Variants in NTM observed in about 807,000 individuals in gnomAD.
NTM encodes the protein IgLON family member 2.
NTM carries 13 observed loss-of-function variants against 42.1 expected under a neutral mutation model. That is an observed-to-expected ratio of 0.31 (90% CI 0.20 to 0.49). The LOEUF (loss-of-function observed/expected upper bound fraction) is 0.49. Ranked by LOEUF, NTM falls within the 20% of genes least tolerant of loss-of-function variation. NTM has a pLI of 0.99. For synonymous variants in NTM, 187 were observed against 179.2 expected (o/e 1.04, Z -0.35); for missense variants, 373 against 452.8 (o/e 0.82, Z 1.60).
intron 2 of NTM, among the ~76,000 whole-genome samples, chr11:132,048,730 C>A (rs1282783841): frequency 6.6e-6 from 1 of 152,094 alleles, no homozygotes; most frequent in East Asian, 1.9e-4. Flanking sequence ...AGACAGACAC[C>A]CCCAACCAAA....
At chr11:132,298,232 G>A (rs956132150) in intron 4 of NTM, among the ~76,000 whole-genome samples, 4 of 152,212 alleles carry the variant, frequency 2.6e-5, no homozygotes, top group East Asian at 3.8e-4. Context: ...AGATACTGAG[G>A]CAATATGACA....
chr11:132,088,809 G>T (rs2060050124), intron 2 of NTM, among the ~76,000 whole-genome samples: 1 of 152,134 alleles, frequency 6.6e-6, no homozygotes, highest in South Asian at 2.1e-4. Flanking sequence ...TTCCCTATTT[G>T]CCTAGGCATT....
chr11:132,014,736 G>GTTTTTTTT lies in NTM; in HGVS notation c.167+103101_167+103108dup, dbSNP rs146527050. ...TACCCGCTTTTTAAGAGAATTACTT[G>GTTTTTTTT]TTTTTTTTTTTTTTTTTTTTGCTGT... On this transcript the variant is annotated intron_variant, in intron 2 of 8. Coordinates refer to ENST00000683400, the MANE Select transcript of NTM (RefSeq NM_001352005.2). Among the ~76,000 whole-genome samples, 144 of 83,814 alleles carry GTTTTTTTT rather than the reference G, an allele frequency of 1.7e-3. 1 individual carries two copies. Among genetic ancestry groups the GTTTTTTTT allele is most frequent in the Middle Eastern group, 0.012 (1 of 82 alleles). The allele number at this position is 83,814 out of a possible 152,430, so 55.0% of individuals were successfully genotyped here. A position where few individuals can be genotyped will look rare whatever the true frequency, so the allele number is the denominator to read the frequency against.
intron 1 of NTM, among the ~76,000 whole-genome samples, chr11:131,684,122 G>A (rs1349400093): frequency 1.3e-5 from 2 of 152,146 alleles, no homozygotes; most frequent in African/African-American, 4.8e-5. Flanking sequence ...GTGGAATTGG[G>A]AGAACCCCCT....
intron 4 of NTM, among the ~76,000 whole-genome samples, chr11:132,299,369 A>G (rs565138579): frequency 6.6e-6 from 1 of 152,030 alleles, no homozygotes; most frequent in African/African-American, 2.4e-5. Flanking sequence ...TATAGTGAAC[A>G]TGGAAGTTGT....
At position 132,335,942 on chromosome 11, in the gene NTM, A is replaced by G. The variant is rs2095869176; in HGVS notation, c.*796A>G. On this transcript the variant is annotated 3_prime_UTR_variant, in exon 9 of 9. Coordinates refer to ENST00000683400, the MANE Select transcript of NTM (RefSeq NM_001352005.2). ...AGTATACTTCTTAACTAGGTTTACA[A>G]CTGGTGGACCACACACCAGGCACTA... 1 of 152,600 alleles carries G rather than the reference A, an allele frequency of 6.6e-6. No individual in the cohort carries two copies. Among genetic ancestry groups the G allele is most frequent in the South Asian group, 2.1e-4 (1 of 4,830 alleles). 9.5% of individuals were successfully genotyped at this position (152,600 alleles called of 1,614,324 possible).
intron 2 of NTM, among the ~76,000 whole-genome samples, chr11:131,949,017 A>C (rs1323314429): frequency 6.6e-6 from 1 of 152,164 alleles, no homozygotes; most frequent in Non-Finnish European, 1.5e-5. Flanking sequence ...GGGAGACACC[A>C]TTCTACGGTG....
At chr11:131,931,238 A>G (rs1051990719) in intron 2 of NTM, among the ~76,000 whole-genome samples, 2 of 152,008 alleles carry the variant, frequency 1.3e-5, no homozygotes, top group Non-Finnish European at 2.9e-5. Flanking sequence ...ACTTGAGCCT[A>G]GAGTTCAGGA....
At chr11:131,875,589 C>T (rs10894468) in intron 1 of NTM, among the ~76,000 whole-genome samples, 1 of 152,036 alleles carries the variant, frequency 6.6e-6, no homozygotes, top group Non-Finnish European at 1.5e-5. Context: ...AAATCAGAGA[C>T]GCCTTTTGTA....
chr11:132,297,574 A>G (rs1029486303), intron 4 of NTM, among the ~76,000 whole-genome samples: 2 of 152,252 alleles, frequency 1.3e-5, no homozygotes, highest in Admixed American at 6.5e-5. Flanking sequence ...CGATATATCT[A>G]TTCTTCAAAA....
chr11:132,183,263 C>T (rs2077854943), intron 3 of NTM, among the ~76,000 whole-genome samples: 1 of 152,142 alleles, frequency 6.6e-6, no homozygotes, highest in South Asian at 2.1e-4. Flanking sequence ...AGAGGCATGC[C>T]CACCAACTTG....
chr11:131,531,105 A>T (rs914040997), intron 1 of NTM, among the ~76,000 whole-genome samples: 2 of 152,220 alleles, frequency 1.3e-5, no homozygotes, highest in Non-Finnish European at 2.9e-5. Flanking sequence ...AAGCCGAGTG[A>T]CAAGACCAAG....
intron 1 of NTM, among the ~76,000 whole-genome samples, chr11:131,743,293 G>A (rs2081405197): frequency 6.7e-6 from 1 of 150,174 alleles, no homozygotes; most frequent in Admixed American, 6.6e-5. Context: ...CATTTCCAGT[G>A]TCTGGTAGTT....
intron 1 of NTM, among the ~76,000 whole-genome samples, chr11:131,701,052 C>G (rs2076022201): frequency 6.6e-6 from 1 of 152,148 alleles, no homozygotes; most frequent in African/African-American, 2.4e-5. Context: ...TAGGACAGTG[C>G]TCGGGAAAAA....
chr11:132,307,736 A>G lies in NTM; in HGVS notation c.574A>G (p.Thr192Ala), dbSNP rs763017949. 1 of 1,614,154 alleles carries G rather than the reference A, an allele frequency of 6.2e-7. No individual in the cohort carries two copies. The highest frequency in any genetic ancestry group is 8.5e-7 in the Non-Finnish European group (1 of 1,180,024). ...CGAATACTTGGAAATTCAGGGCATC[A>G]CCAGGGAGCAGTCAGGGGACTACGA... Reference protein sequence around the residue: ...EDEYLEIQGITREQSGDYECS... With the variant: ...EDEYLEIQGIAREQSGDYECS... Residue 192 changes from threonine to alanine, a missense_variant, in exon 5 of 9, where the codon ACC becomes GCC. Thr to Ala is a moderately conservative substitution (Grantham distance 58). This residue lies in a region of NTM where 312 missense variants were observed against 353.5 expected (regional missense o/e 0.88). Coordinates refer to ENST00000683400, the MANE Select transcript of NTM (RefSeq NM_001352005.2).
chr11:132,001,611 C>T (rs1489217160), intron 2 of NTM, among the ~76,000 whole-genome samples: 1 of 151,924 alleles, frequency 6.6e-6, no homozygotes, highest in East Asian at 1.9e-4. Flanking sequence ...GGTACCATAC[C>T]CCAACAACAG....
At chr11:131,379,193 A>G (rs1054668560) in intron 1 of NTM, among the ~76,000 whole-genome samples, 2 of 152,132 alleles carry the variant, frequency 1.3e-5, no homozygotes, top group African/African-American at 4.8e-5. Context: ...CTTTCAAGAT[A>G]CTTTATTTCA....
intron 4 of NTM, among the ~76,000 whole-genome samples, chr11:132,279,988 T>G (rs967493296): frequency 2.0e-5 from 3 of 152,230 alleles, no homozygotes; most frequent in Non-Finnish European, 4.4e-5. Flanking sequence ...TTACTGTTGT[T>G]GAAACAGACC....
intron 1 of NTM, among the ~76,000 whole-genome samples, chr11:131,591,267 C>G (rs11822983): frequency 0.014 from 2,079 of 152,316 alleles, 53 homozygotes; most frequent in African/African-American, 0.047. Flanking sequence ...CTGAAAGGTC[C>G]CTGGGGAAAG....
Sources: gnomAD v4.1 joint callset for allele counts (sites outside exome capture counted in the v4.1 genomes callset) on GRCh38, gnomAD v4.1.1 for gene constraint, gnomAD v4.1.1 regional missense constraint, MANE v1.5 for transcripts, NCBI Gene and HGNC (gene_info 2026-07-23, HGNC 2026-07-21) for gene names.